The following RPL26L1 variants were observed in gnomAD, a reference collection of about 807,000 sequenced individuals.
RPL26L1 encodes ribosomal protein L26 like 1, also known as ribosomal protein uL24-like.
Under a neutral mutation model 15.2 loss-of-function variants are expected in RPL26L1, and 8 were observed. That is an observed-to-expected ratio of 0.53 (90% CI 0.31 to 0.95). RPL26L1 has a LOEUF of 0.95. Ranked by LOEUF, RPL26L1 falls within the 40% of genes least tolerant of loss-of-function variation. RPL26L1 has a pLI of 0.05. For missense variants in RPL26L1, 146 were observed against 190.9 expected, an observed-to-expected ratio of 0.76 and a Z score of 1.39; for synonymous variants, 51 against 65.9, an observed-to-expected ratio of 0.77 and a Z score of 1.09.
At chr5:172,968,333 G>A in intron 2 of RPL26L1, 126 bp from the exon 3 acceptor site, 1 of 1,243,494 alleles carries the variant, frequency 8.0e-7, no homozygotes, top group South Asian at 1.4e-5. Context: ...GCTAATTTTT[G>A]ACTGCCAGGA....
intron 2 of RPL26L1, among the ~76,000 whole-genome samples, chr5:172,963,604 G>A (rs1755333392): frequency 6.6e-6 from 1 of 152,046 alleles, no homozygotes; most frequent in Non-Finnish European, 1.5e-5. Flanking sequence ...CATTCTTCGG[G>A]TCCTACCTTA....
At chr5:172,968,992 G>A (rs946621683) in intron 3 of RPL26L1, among the ~76,000 whole-genome samples, 4 of 151,678 alleles carry the variant, frequency 2.6e-5, no homozygotes, top group African/African-American at 7.3e-5. Flanking sequence ...ATTTTTAATA[G>A]AGATGGGGTT....
intron 2 of RPL26L1, among the ~76,000 whole-genome samples, chr5:172,964,260 C>G (rs1271282564): frequency 6.8e-6 from 1 of 146,646 alleles, no homozygotes; most frequent in Non-Finnish European, 1.5e-5. Context: ...CAGGCATGAG[C>G]CACAGTGTCT....
At chr5:172,958,932 A>C (rs1755099480), upstream of RPL26L1, 1 of 153,916 alleles carries the variant, frequency 6.5e-6, no homozygotes, top group African/African-American at 2.4e-5. Flanking sequence ...GATAGAAAAA[A>C]GTAGAGGTAG....
chr5:172,954,678 GT>G, upstream of RPL26L1: 1 of 277,310 alleles, frequency 3.6e-6, no homozygotes, highest in Middle Eastern at 1.2e-3. Context: ...TTTTTGGTTG[GT>G]TTATGTAAGG....
chr5:172,955,391 A>C (rs1416702336), upstream of RPL26L1: 8 of 184,194 alleles, frequency 4.3e-5, no homozygotes, highest in Non-Finnish European at 9.2e-5. Flanking sequence ...AGCCTCCCAA[A>C]GTGCTGGGAT....
intron 2 of RPL26L1, among the ~76,000 whole-genome samples, chr5:172,967,665 C>T (rs1755507273): frequency 6.6e-6 from 1 of 151,736 alleles, no homozygotes; most frequent in African/African-American, 2.4e-5. Context: ...CATCTGTAAT[C>T]CTGCTTCCTG....
At chr5:172,961,795 T>A (rs985344690) in intron 2 of RPL26L1, among the ~76,000 whole-genome samples, 1 of 152,208 alleles carries the variant, frequency 6.6e-6, no homozygotes, top group African/African-American at 2.4e-5. Flanking sequence ...CTCTTTTATA[T>A]CCCAGTCCAG....
At chr5:172,968,958 C>T (rs1482048668) in intron 3 of RPL26L1, among the ~76,000 whole-genome samples, 1 of 151,816 alleles carries the variant, frequency 6.6e-6, no homozygotes, top group Non-Finnish European at 1.5e-5. Flanking sequence ...CAGGCACACA[C>T]CACCACGCCC....
chr5:172,959,407 G>A (rs886125475), upstream of RPL26L1: 1 of 1,004,634 alleles, frequency 1.0e-6, no homozygotes, highest in Non-Finnish European at 1.2e-6. Context: ...TTCTGCGCTT[G>A]CGCGGCACGG....
At chr5:172,968,734 A>G (rs1755569647) in intron 3 of RPL26L1, 135 bp downstream of exon 3, 2 of 757,064 alleles carry the variant, frequency 2.6e-6, no homozygotes, top group African/African-American at 1.8e-5. Flanking sequence ...TAGCTTTGTG[A>G]TATCATCAAG....
chr5:172,964,826 C>A (rs1755387876), intron 2 of RPL26L1, among the ~76,000 whole-genome samples: 1 of 152,188 alleles, frequency 6.6e-6, no homozygotes, highest in African/African-American at 2.4e-5. Context: ...AATCGTGGCT[C>A]CACACCTACA....
chr5:172,954,916 T>C (rs1764322293), upstream of RPL26L1: 1 of 455,738 alleles, frequency 2.2e-6, no homozygotes, highest in Non-Finnish European at 4.4e-6. Context: ...CCTCCAGGGG[T>C]GCGTGACAGG....
chr5:172,959,531 T>C, intron 1 of RPL26L1, 63 bp downstream of exon 1: 8 of 1,116,800 alleles, frequency 7.2e-6, no homozygotes, highest in South Asian at 2.3e-5. Context: ...CCCTGCCCTA[T>C]GTGTCGCGGG....
At chr5:172,960,513 T>C (rs979057136) in intron 2 of RPL26L1, among the ~76,000 whole-genome samples, 2 of 152,072 alleles carry the variant, frequency 1.3e-5, no homozygotes, top group Non-Finnish European at 2.9e-5. Flanking sequence ...GGTGCTGCAG[T>C]GAGAGTAGTG....
In RPL26L1 at chr5:172,964,281, C is replaced by CCTTTTTTTTTT. The variant is rs1402885653; in HGVS notation, c.169-4178_169-4177insCTTTTTTTTTT. 6.7e-4 allele frequency among the ~76,000 whole-genome samples: 66 copies of CCTTTTTTTTTT among 99,228 alleles called. 19 individuals carry two copies. The highest frequency in any genetic ancestry group is 2.2e-3 in the South Asian group (7 of 3,156). 65.1% of individuals were successfully genotyped at this position (99,228 alleles called of 152,430 possible). A position where few individuals can be genotyped will look rare whatever the true frequency, so the allele number is the denominator to read the frequency against. ...TGAGCCACAGTGTCTGGCCTGTTGC[C>CCTTTTTTTTTT]TTTTTTTTTTTTTTTTTTTTTGAGA... On this transcript the variant is annotated intron_variant, in intron 2 of 3. Transcript: ENST00000265100.
chr5:172,954,750 T>C (rs370433001), upstream of RPL26L1: 45 of 362,894 alleles, frequency 1.2e-4, no homozygotes, highest in Admixed American at 6.3e-4. Flanking sequence ...CCCAGGGTCA[T>C]TGTCGAATGT....
intron 2 of RPL26L1, among the ~76,000 whole-genome samples, chr5:172,967,000 C>T (rs573601793): frequency 1.3e-3 from 192 of 151,964 alleles, no homozygotes; most frequent in African/African-American, 3.7e-3. Flanking sequence ...GGTCTACAGG[C>T]GCCCACCACC....
upstream of RPL26L1, chr5:172,956,036 G>C (rs1415817176): frequency 6.6e-6 from 1 of 152,184 alleles, no homozygotes. Context: ...AACCTGCAGA[G>C]AAAATCTAAA....
Sources: gnomAD v4.1 joint callset for allele counts (sites outside exome capture counted in the v4.1 genomes callset) on GRCh38, gnomAD v4.1.1 for gene constraint, MANE v1.5 for transcripts, NCBI Gene and HGNC (gene_info 2026-07-23, HGNC 2026-07-21) for gene names.